The following ITGB6 variants were observed in gnomAD, a reference collection of about 807,000 sequenced individuals.
ITGB6 encodes the protein integrin beta-6.
In ITGB6, 80 loss-of-function variants were observed where a neutral mutation model predicts 84.5. That is an observed-to-expected ratio of 0.95 (90% CI 0.79 to 1.14). The LOEUF is 1.14. ITGB6 is among the 50% of genes most tolerant of loss of function. The pLI, the probability that ITGB6 is intolerant of heterozygous loss-of-function variation, is 0.00. For synonymous variants in ITGB6, 383 were observed against 354.9 expected, an observed-to-expected ratio of 1.08 and a Z score of -0.89; for missense variants, 1,006 against 968.0, an observed-to-expected ratio of 1.04 and a Z score of -0.52.
At chr2:160,138,246 T>C in intron 8 of ITGB6, 47 bp from the exon 9 acceptor site, 1 of 1,523,216 alleles carries the variant, frequency 6.6e-7, no homozygotes, top group African/African-American at 1.4e-5. Context: ...ACCCCAAAAA[T>C]ATAGCCAGAA....
intron 7 of ITGB6, among the ~76,000 whole-genome samples, chr2:160,157,409 A>G (rs1684664653): frequency 6.6e-6 from 1 of 152,202 alleles, no homozygotes; most frequent in Admixed American, 6.5e-5. Context: ...TTGCCCAGTC[A>G]CAGATGTAAT....
intron 12 of ITGB6, among the ~76,000 whole-genome samples, chr2:160,115,830 G>A (rs1350034574): frequency 6.6e-6 from 1 of 152,208 alleles, no homozygotes; most frequent in Non-Finnish European, 1.5e-5. Flanking sequence ...AGCTGATGGA[G>A]CTGAAAGCCA....
chr2:160,144,284 G>C (rs1265853368), intron 7 of ITGB6, among the ~76,000 whole-genome samples: 1 of 152,182 alleles, frequency 6.6e-6, no homozygotes, highest in Non-Finnish European at 1.5e-5. Flanking sequence ...CAGTAATCCA[G>C]GTAACAGTCC....
chr2:160,133,133 G>A (rs754600079), intron 10 of ITGB6, among the ~76,000 whole-genome samples: 13 of 152,088 alleles, frequency 8.5e-5, no homozygotes, highest in Non-Finnish European at 1.8e-4. Flanking sequence ...TGGATAAAGA[G>A]TCAAGACCCA....
chr2:160,180,619 A>G (rs1685626680), intron 4 of ITGB6, among the ~76,000 whole-genome samples: 1 of 152,198 alleles, frequency 6.6e-6, no homozygotes. Context: ...TTTTCACAGT[A>G]ATTCAGAGAT....
chr2:160,114,113 A>G (rs1277176316), intron 12 of ITGB6, among the ~76,000 whole-genome samples: 1 of 152,194 alleles, frequency 6.6e-6, no homozygotes, highest in Non-Finnish European at 1.5e-5. Flanking sequence ...AGAGAGGCTT[A>G]CTTGACCTGG....
chr2:160,144,269 G>A (rs894016625), intron 7 of ITGB6, among the ~76,000 whole-genome samples: 1 of 152,194 alleles, frequency 6.6e-6, no homozygotes, highest in African/African-American at 2.4e-5. Flanking sequence ...TGAGGGGGCT[G>A]TGGGCAGTAA....
At chr2:160,116,279 A>T (rs1157069852) in intron 12 of ITGB6, among the ~76,000 whole-genome samples, 2 of 151,960 alleles carry the variant, frequency 1.3e-5, no homozygotes, top group Non-Finnish European at 2.9e-5. Flanking sequence ...TGGGTTACCC[A>T]CAAAGGGAAG....
Position 160,107,823 on chromosome 2 carries a change from A to C in ITGB6, c.2124T>G (p.Ile708Met), listed in dbSNP as rs1696970509. The change falls in exon 14 of 15, where the codon ATT becomes ATG. Residue 708 changes from isoleucine to methionine, a missense_variant. Transcript: ENST00000283249. The part of the protein sequence containing the change: ...NEKDCPKPPN[I>M]PMIMLGVSLA... ...GGGAAACCCCTAACATGATCATGGGAATGTTTGGAGGCTTCGGACAATCTG... is the reference window on the plus strand; with the variant it reads ...GGGAAACCCCTAACATGATCATGGGCATGTTTGGAGGCTTCGGACAATCTG... 6.2e-7 allele frequency: 1 copy of C among 1,611,956 alleles called. No homozygotes were observed. The highest frequency in any genetic ancestry group is 8.5e-7 in the Non-Finnish European group (1 of 1,178,488).
chr2:160,138,917 T>C (rs1683880345), intron 8 of ITGB6, among the ~76,000 whole-genome samples: 1 of 152,176 alleles, frequency 6.6e-6, no homozygotes, highest in Non-Finnish European at 1.5e-5. Flanking sequence ...CAATAGTCCA[T>C]GAAAACTACA....
chr2:160,155,858 A>G (rs963582361), intron 7 of ITGB6, among the ~76,000 whole-genome samples: 4 of 152,204 alleles, frequency 2.6e-5, no homozygotes, highest in African/African-American at 9.6e-5. Flanking sequence ...CTAGAGAAAT[A>G]TACATTAAAA....
chr2:160,101,940 A>G (rs1696738585), intron 14 of ITGB6, 106 bp from the exon 15 acceptor site: 1 of 659,146 alleles, frequency 1.5e-6, no homozygotes, highest in Admixed American at 2.9e-5. Flanking sequence ...AGTCTTGGAA[A>G]CCATTAGAAC....
intron 10 of ITGB6, among the ~76,000 whole-genome samples, chr2:160,129,392 CAA>C (rs374921878): frequency 0.026 from 3,338 of 126,740 alleles, 126 homozygotes; most frequent in African/African-American, 0.093. Context: ...TACTTTTCTT[CAA>C]AAAAAAAAAA....
chr2:160,179,765 C>T lies in ITGB6; in HGVS notation c.594-5626G>A, dbSNP rs536707678. Among the ~76,000 whole-genome samples the T allele has an allele frequency of 2.4e-3, 365 of 149,880 alleles. 1 individual carries two copies. The highest frequency in any genetic ancestry group is 8.2e-3 in the African/African-American group (335 of 41,000). ...ACTCACTGTTGGTGTAAATTCAAAA[C>T]AAAACAAAAAACACCACAGTATACA... On this transcript the variant is annotated intron_variant, in intron 4 of 14. Coordinates refer to ENST00000283249, the MANE Select transcript of ITGB6 (RefSeq NM_000888.5).
intron 14 of ITGB6, among the ~76,000 whole-genome samples, chr2:160,106,039 C>T (rs1329214621): frequency 6.6e-6 from 1 of 152,158 alleles, no homozygotes. Context: ...CCCTCCATCC[C>T]ACTCTCTTGG....
intron 7 of ITGB6, among the ~76,000 whole-genome samples, chr2:160,162,630 T>C (rs1684862883): frequency 6.6e-6 from 1 of 152,176 alleles, no homozygotes; most frequent in Non-Finnish European, 1.5e-5. Context: ...ATTATTATTA[T>C]TTTTTGAGAT....
In ITGB6 at chr2:160,137,740, A is replaced by G. The variant is rs1382170524; in HGVS notation, c.1354T>C (p.Cys452Arg). The part of the protein sequence containing the change: ...DALELLVSPE[C>R]NCDCQKEVEV... The stretch of plus-strand genomic sequence containing the variant: ...ACTTCTTTCTGACAGTCGCAGTTGC[A>G]TTCTGGGCTGACAAGTAATTCCAGG... The change falls in exon 10 of 15, where the codon TGC (cysteine) becomes CGC (arginine). Residue 452 changes from cysteine (C) to arginine (R), a missense_variant. Transcript: ENST00000283249. The G allele has an allele frequency of 3.0e-5, 48 of 1,614,092 alleles. No homozygotes were observed. The highest frequency in any genetic ancestry group is 4.0e-5 in the Non-Finnish European group (47 of 1,180,036).
chr2:160,144,932 A>T (rs1684135395), intron 7 of ITGB6, among the ~76,000 whole-genome samples: 2 of 152,204 alleles, frequency 1.3e-5, no homozygotes, highest in African/African-American at 4.8e-5. Context: ...CTATTAATTA[A>T]TTTCTGGATG....
At chr2:160,194,819 A>T (rs1686270289) in intron 4 of ITGB6, among the ~76,000 whole-genome samples, 1 of 152,232 alleles carries the variant, frequency 6.6e-6, no homozygotes, top group Admixed American at 6.5e-5. Flanking sequence ...GAATGGAGTC[A>T]TTGCCTATGG....
Sources: allele counts gnomAD v4.1 joint callset (sites outside exome capture counted in the v4.1 genomes callset), GRCh38; gene constraint gnomAD v4.1.1; transcripts MANE v1.5; gene names NCBI Gene and HGNC (gene_info 2026-07-23, HGNC 2026-07-21).